The following FHIT variants were observed in gnomAD, a reference collection of about 807,000 sequenced individuals.
FHIT encodes the protein fragile histidine triad diadenosine triphosphatase, also known as bis(5'-adenosyl)-triphosphatase.
In FHIT, 19 loss-of-function variants were observed where a neutral mutation model predicts 17.9. The ratio of observed to expected loss-of-function variants is 1.06; its 90% CI spans 0.74 to 1.56. The LOEUF is 1.56. Among genes scored for constraint, FHIT ranks in the 40% most tolerant of loss-of-function variants. FHIT has a pLI of 0.00. For synonymous variants in FHIT, 81 were observed against 69.7 expected (o/e 1.16, Z -0.81); for missense variants, 248 against 189.2 (o/e 1.31, Z -1.82).
chr3:59,864,860 T>C (rs1226001804), intron 8 of FHIT, among the ~76,000 whole-genome samples: 5 of 152,102 alleles, frequency 3.3e-5, no homozygotes, highest in East Asian at 1.9e-4. Context: ...TTGCATGCTG[T>C]TCATTTAGAA....
intron 3 of FHIT, among the ~76,000 whole-genome samples, chr3:61,005,391 G>C (rs1351290032): frequency 6.6e-6 from 1 of 152,026 alleles, no homozygotes; most frequent in African/African-American, 2.4e-5. Context: ...ATGATGAGGA[G>C]GAGCAGGATG....
chr3:60,339,022 A>G (rs922427006), intron 5 of FHIT, among the ~76,000 whole-genome samples: 2 of 152,194 alleles, frequency 1.3e-5, no homozygotes, highest in African/African-American at 2.4e-5. Flanking sequence ...CATCTGGCAT[A>G]TAGTTTGTAA....
At chr3:59,970,771 C>G in intron 7 of FHIT, among the ~76,000 whole-genome samples, 1 of 151,902 alleles carries the variant, frequency 6.6e-6, no homozygotes, top group Admixed American at 6.6e-5. Context: ...CTGTCTCGTC[C>G]GGCACTAACA....
chr3:60,429,830 T>C (rs556093864), intron 5 of FHIT, among the ~76,000 whole-genome samples: 3 of 152,212 alleles, frequency 2.0e-5, no homozygotes, highest in South Asian at 4.2e-4. Context: ...GAAGCATAGG[T>C]ACTAAGAGGC....
At chr3:60,975,892 G>A (rs573664890) in intron 3 of FHIT, among the ~76,000 whole-genome samples, 1 of 152,096 alleles carries the variant, frequency 6.6e-6, no homozygotes, top group East Asian at 1.9e-4. Flanking sequence ...TAGGCTAAGA[G>A]AATTACACAT....
At chr3:61,134,681 G>C (rs2036862972) in intron 2 of FHIT, among the ~76,000 whole-genome samples, 2 of 152,234 alleles carry the variant, frequency 1.3e-5, no homozygotes, top group South Asian at 4.1e-4. Context: ...TTATGTGAGA[G>C]ATGACTCCAG....
Position 59,975,850 on chromosome 3 carries a change from T to C in FHIT, c.279+35521A>G, listed in dbSNP as rs191533097. On this transcript the variant is annotated intron_variant, in intron 7 of 9. Coordinates refer to ENST00000492590, the MANE Select transcript of FHIT (RefSeq NM_002012.4). ...AAAGAGTGAGGTAGGACCTAACAGA[T>C]TGGACTAGGAATCCAACCTACATGA... 2.3e-4 allele frequency among the ~76,000 whole-genome samples: 34 copies of C among 149,400 alleles called. No individual in the cohort carries two copies. In the East Asian group the frequency reaches 6.3e-3, roughly 28 times the overall value.
intron 5 of FHIT, among the ~76,000 whole-genome samples, chr3:60,229,285 T>G (rs936591101): frequency 2.0e-5 from 3 of 151,676 alleles, no homozygotes; most frequent in Admixed American, 1.3e-4. Flanking sequence ...GGTGTGGTGG[T>G]GAGCATCTGC....
At chr3:59,806,679 T>C (rs1376913604) in intron 8 of FHIT, among the ~76,000 whole-genome samples, 1 of 7,422 alleles carries the variant, frequency 1.3e-4, no homozygotes, top group East Asian at 1.7e-3. Context: ...TATGTGTATA[T>C]ATATGTATAT....
chr3:60,758,421 A>C (rs1260618336), intron 4 of FHIT, among the ~76,000 whole-genome samples: 1 of 152,334 alleles, frequency 6.6e-6, no homozygotes, highest in East Asian at 1.9e-4. Flanking sequence ...GCAAGATACT[A>C]TTTTGACACG....
chr3:60,833,600 A>G (rs901460702), intron 3 of FHIT, among the ~76,000 whole-genome samples: 7 of 152,064 alleles, frequency 4.6e-5, no homozygotes, highest in Admixed American at 3.3e-4. Flanking sequence ...ATAATTGTAG[A>G]CTCACATGAA....
chr3:60,974,493 G>A (rs1229689632), intron 3 of FHIT, among the ~76,000 whole-genome samples: 4 of 149,028 alleles, frequency 2.7e-5, no homozygotes, highest in Admixed American at 1.3e-4. Context: ...TTATCACCAC[G>A]TAATGAAGAC....
chr3:60,899,180 G>A (rs1553762605), intron 3 of FHIT, among the ~76,000 whole-genome samples: 1 of 152,120 alleles, frequency 6.6e-6, no homozygotes, highest in Non-Finnish European at 1.5e-5. Context: ...AGAAACACTT[G>A]CTTTAAAATT....
At chr3:59,775,857 T>C (rs4679505) in intron 8 of FHIT, among the ~76,000 whole-genome samples, 53,730 of 152,076 alleles carry the variant, frequency 0.35, 9,916 homozygotes, top group South Asian at 0.57. Flanking sequence ...TTAGGATAAA[T>C]CTAATTAGTT....
intron 4 of FHIT, among the ~76,000 whole-genome samples, chr3:60,574,274 A>G (rs1404466768): frequency 6.6e-6 from 1 of 151,910 alleles, no homozygotes; most frequent in Non-Finnish European, 1.5e-5. Context: ...TTCTTGAAGA[A>G]CAAGAAAAGC....
intron 2 of FHIT, among the ~76,000 whole-genome samples, chr3:61,189,659 C>A (rs1205090836): frequency 6.6e-6 from 1 of 152,224 alleles, no homozygotes; most frequent in African/African-American, 2.4e-5. Context: ...AAGCTGGAGG[C>A]ATCACGCTAC....
chr3:59,810,121 G>A (rs1400672228), intron 8 of FHIT, among the ~76,000 whole-genome samples: 1 of 152,088 alleles, frequency 6.6e-6, no homozygotes, highest in Non-Finnish European at 1.5e-5. Flanking sequence ...GGGCTCCTGG[G>A]GCCTGAGGAG....
intron 7 of FHIT, among the ~76,000 whole-genome samples, chr3:60,003,379 T>C (rs930280073): frequency 6.6e-6 from 1 of 152,182 alleles, no homozygotes; most frequent in African/African-American, 2.4e-5. Flanking sequence ...TTTGTAGCAT[T>C]TGGATCTGTT....
At chr3:60,564,744 T>A (rs1403229875) in intron 4 of FHIT, among the ~76,000 whole-genome samples, 1 of 152,192 alleles carries the variant, frequency 6.6e-6, no homozygotes, top group African/African-American at 2.4e-5. Context: ...TTGCTTTTTA[T>A]GGGTGAGCAA....
Sources: gnomAD v4.1 joint callset for allele counts (sites outside exome capture counted in the v4.1 genomes callset) on GRCh38, gnomAD v4.1.1 for gene constraint, MANE v1.5 for transcripts, NCBI Gene and HGNC (gene_info 2026-07-23, HGNC 2026-07-21) for gene names.